The following DOK6 variants were observed in gnomAD, a reference collection of about 807,000 sequenced individuals.
The protein encoded by DOK6 is downstream of tyrosine kinase 6.
DOK6 carries 22 observed loss-of-function variants against 44.0 expected under a neutral mutation model. The ratio of observed to expected loss-of-function variants is 0.50; its 90% confidence interval spans 0.36 to 0.71. The LOEUF (loss-of-function observed/expected upper bound fraction) is 0.71, where lower values mean the gene tolerates loss of function less well. DOK6 is among the 30% of genes least tolerant of loss of function. DOK6 has a pLI of 0.00. For synonymous variants in DOK6, 166 were observed against 145.5 expected (o/e 1.14, Z -1.01); for missense variants, 340 against 416.4 (o/e 0.82, Z 1.60).
At chr18:69,495,743 G>A (rs1387368279) in intron 1 of DOK6, among the ~76,000 whole-genome samples, 2 of 152,154 alleles carry the variant, frequency 1.3e-5, no homozygotes, top group African/African-American at 4.8e-5. Context: ...TGGCATCCAG[G>A]CTGTTCACGC....
intron 5 of DOK6, among the ~76,000 whole-genome samples, chr18:69,723,246 A>T (rs1978291913): frequency 6.6e-6 from 1 of 152,246 alleles, no homozygotes; most frequent in Non-Finnish European, 1.5e-5. Context: ...TCAAGAAGGC[A>T]ACATTACTGG....
At chr18:69,671,215 A>G (rs1301779277) in intron 3 of DOK6, among the ~76,000 whole-genome samples, 2 of 152,222 alleles carry the variant, frequency 1.3e-5, no homozygotes, top group Non-Finnish European at 2.9e-5. Context: ...ACTTTGGAAA[A>G]TAGGTAGGGG....
At chr18:69,776,349 A>C (rs1322416709) in intron 7 of DOK6, among the ~76,000 whole-genome samples, 1 of 152,040 alleles carries the variant, frequency 6.6e-6, no homozygotes, top group Non-Finnish European at 1.5e-5. Flanking sequence ...ATCATAATGC[A>C]ATACAAATAA....
intron 2 of DOK6, among the ~76,000 whole-genome samples, chr18:69,568,743 C>T (rs1001717210): frequency 3.9e-5 from 6 of 152,062 alleles, no homozygotes; most frequent in Non-Finnish European, 5.9e-5. Context: ...TGAGCTCCAC[C>T]TCCTGTCAGA....
intron 5 of DOK6, among the ~76,000 whole-genome samples, chr18:69,711,121 G>C (rs1986745966): frequency 6.6e-6 from 1 of 152,162 alleles, no homozygotes; most frequent in Admixed American, 6.5e-5. Flanking sequence ...ATGGCACCTG[G>C]AACACCGGCT....
chr18:69,477,220 G>A (rs759142326), intron 1 of DOK6, among the ~76,000 whole-genome samples: 1 of 152,050 alleles, frequency 6.6e-6, no homozygotes, highest in Non-Finnish European at 1.5e-5. Context: ...ATCTTTTGGG[G>A]GATCCTATCA....
intron 4 of DOK6, among the ~76,000 whole-genome samples, chr18:69,683,752 C>T (rs1240771598): frequency 2.0e-5 from 3 of 152,200 alleles, no homozygotes; most frequent in African/African-American, 7.2e-5. Context: ...TTAAGCCAAC[C>T]AATTGTTGGT....
At chr18:69,581,038 C>A (rs1032205167) in intron 2 of DOK6, among the ~76,000 whole-genome samples, 71 of 152,302 alleles carry the variant, frequency 4.7e-4, no homozygotes, top group African/African-American at 1.6e-3. Context: ...TTCTTAATTT[C>A]TTGTTTATGG....
At chr18:69,703,228 T>A (rs1986560760) in intron 5 of DOK6, among the ~76,000 whole-genome samples, 1 of 152,152 alleles carries the variant, frequency 6.6e-6, no homozygotes, top group Non-Finnish European at 1.5e-5. Context: ...CTGATGCAAA[T>A]TTTTTTCATG....
At chr18:69,647,120 T>C (rs1985101717) in intron 3 of DOK6, among the ~76,000 whole-genome samples, 1 of 151,676 alleles carries the variant, frequency 6.6e-6, no homozygotes, top group African/African-American at 2.4e-5. Flanking sequence ...CTATCCTATC[T>C]GTCTATCCTG....
At chr18:69,825,427 C>CTTTTT (rs34656265) in intron 7 of DOK6, among the ~76,000 whole-genome samples, 3 of 82,958 alleles carry the variant, frequency 3.6e-5, no homozygotes, top group Non-Finnish European at 2.3e-5. Context: ...ATCATAACTT[C>CTTTTT]TTTTTTTTTT....
At position 69,842,025 on chromosome 18, in the gene DOK6, A is replaced by T. The variant is rs903074436; in HGVS notation, c.*642A>T. The T allele has an allele frequency of 6.6e-6, 1 of 152,004 alleles. No individual in the cohort carries two copies. Among genetic ancestry groups the T allele is most frequent in the African/African-American group, 2.4e-5 (1 of 41,344 alleles). The allele number at this position is 152,004 out of a possible 1,614,324, so 9.4% of individuals were successfully genotyped here. On this transcript the variant is annotated 3_prime_UTR_variant, in exon 8 of 8. Coordinates refer to ENST00000382713, the MANE Select transcript of DOK6 (RefSeq NM_152721.6). ...ATATCCATCTATATATAACAAGTAT[A>T]TATCAAACATGTGCTGAGGGTGACA...
At chr18:69,525,142 G>A (rs1028615410) in intron 1 of DOK6, among the ~76,000 whole-genome samples, 8 of 151,698 alleles carry the variant, frequency 5.3e-5, no homozygotes, top group African/African-American at 7.3e-5. Flanking sequence ...AATGGAAAAT[G>A]ACTTGATTTT....
At chr18:69,572,118 C>A (rs943465180) in intron 2 of DOK6, among the ~76,000 whole-genome samples, 5 of 151,954 alleles carry the variant, frequency 3.3e-5, no homozygotes, top group Non-Finnish European at 7.4e-5. Context: ...GAGCAATATG[C>A]AAAAGGGCTA....
At chr18:69,820,071 A>G (rs571760836) in intron 7 of DOK6, among the ~76,000 whole-genome samples, 1 of 152,256 alleles carries the variant, frequency 6.6e-6, no homozygotes, top group Non-Finnish European at 1.5e-5. Context: ...CTCCTTTTTT[A>G]AGGCTGAGTA....
chr18:69,556,196 T>G (rs1429702964), intron 1 of DOK6, among the ~76,000 whole-genome samples: 1 of 152,198 alleles, frequency 6.6e-6, no homozygotes, highest in Admixed American at 6.5e-5. Flanking sequence ...GGCTTGTCCC[T>G]GTCTCTCTCA....
chr18:69,607,723 T>G (rs1267032289), intron 3 of DOK6, among the ~76,000 whole-genome samples: 1 of 152,174 alleles, frequency 6.6e-6, no homozygotes, highest in African/African-American at 2.4e-5. Flanking sequence ...TGGAAAACTG[T>G]GTGCATAATC....
chr18:69,418,696 T>A lies in DOK6; in HGVS notation c.66+17386T>A, dbSNP rs1978404924. Among the ~76,000 whole-genome samples the A allele has an allele frequency of 3.3e-5, 5 of 152,122 alleles. No individual in the cohort carries two copies. In the South Asian group the frequency reaches 1.0e-3, roughly 32 times the overall value. ...TGTGTTGCCAATGTTGGTCTTGAAC[T>A]CCTAGCCTTAAGCAATCCTCCTGCC... On this transcript the variant is annotated intron_variant, in intron 1 of 7. Coordinates refer to ENST00000382713, the MANE Select transcript of DOK6 (RefSeq NM_152721.6).
intron 3 of DOK6, among the ~76,000 whole-genome samples, chr18:69,631,471 C>T (rs1481574442): frequency 6.6e-6 from 1 of 152,170 alleles, no homozygotes; most frequent in Non-Finnish European, 1.5e-5. Context: ...GAAACTCCAA[C>T]TTTACCCATC....
Sources: gnomAD v4.1 joint callset for allele counts (sites outside exome capture counted in the v4.1 genomes callset) on GRCh38, gnomAD v4.1.1 for gene constraint, MANE v1.5 for transcripts, NCBI Gene and HGNC (gene_info 2026-07-23, HGNC 2026-07-21) for gene names.